The following ADAMTS2 variants were observed in gnomAD, a reference collection of about 807,000 sequenced individuals.
The protein encoded by ADAMTS2 is A disintegrin and metalloproteinase with thrombospondin motifs 2.
ADAMTS2 carries 50 observed loss-of-function variants against 123.0 expected under a neutral mutation model. The ratio of observed to expected loss-of-function variants is 0.41; its 90% CI spans 0.32 to 0.51. The LOEUF (loss-of-function observed/expected upper bound fraction) is 0.51. Among genes scored for constraint, ADAMTS2 ranks in the 20% least tolerant of loss-of-function variants. The pLI, the probability that ADAMTS2 is intolerant of heterozygous loss-of-function variation, is 0.35. For missense variants in ADAMTS2, 1,494 were observed against 1,705.2 expected (o/e 0.88, Z 2.18); for synonymous variants, 678 against 695.4 (o/e 0.98, Z 0.39).
intron 10 of ADAMTS2, among the ~76,000 whole-genome samples, chr5:179,149,471 G>A (rs1181998460): frequency 1.3e-5 from 2 of 152,166 alleles, no homozygotes; most frequent in East Asian, 1.9e-4. Flanking sequence ...CTGGCACCGT[G>A]GAAGGCTGCG....
chr5:179,217,185 C>T (rs530440512), intron 3 of ADAMTS2, among the ~76,000 whole-genome samples: 1 of 152,336 alleles, frequency 6.6e-6, no homozygotes, highest in Admixed American at 6.5e-5. Context: ...CCACAAAGTG[C>T]TACCAAGGTT....
At chr5:179,213,868 G>A (rs574273977) in intron 3 of ADAMTS2, among the ~76,000 whole-genome samples, 304 of 152,352 alleles carry the variant, frequency 2.0e-3, no homozygotes, top group Non-Finnish European at 3.4e-3. Flanking sequence ...CCTGGTGCAA[G>A]GAAGGAGAGA....
At chr5:179,296,308 G>A (rs1756329196) in intron 2 of ADAMTS2, among the ~76,000 whole-genome samples, 1 of 152,102 alleles carries the variant, frequency 6.6e-6, no homozygotes, top group East Asian at 1.9e-4. Flanking sequence ...GACGGGCAGG[G>A]GCAATGCCGG....
chr5:179,344,616 C>T (rs553920639), intron 1 of ADAMTS2, among the ~76,000 whole-genome samples: 2 of 152,238 alleles, frequency 1.3e-5, no homozygotes, highest in East Asian at 1.9e-4. Context: ...GTGCCCTCAC[C>T]GCCAGCCTCC....
intron 3 of ADAMTS2, among the ~76,000 whole-genome samples, chr5:179,216,453 C>A (rs138925084): frequency 1.3e-5 from 2 of 151,778 alleles, no homozygotes; most frequent in African/African-American, 2.4e-5. Flanking sequence ...CAGGCCGTGG[C>A]GAGCTTAGAA....
At chr5:179,299,867 G>A (rs1173281283) in intron 2 of ADAMTS2, among the ~76,000 whole-genome samples, 1 of 151,910 alleles carries the variant, frequency 6.6e-6, no homozygotes, top group Non-Finnish European at 1.5e-5. Flanking sequence ...GGCTGAGGCG[G>A]GCGGATCACA....
At chr5:179,212,766 T>G in intron 3 of ADAMTS2, among the ~76,000 whole-genome samples, 1 of 129,704 alleles carries the variant, frequency 7.7e-6, no homozygotes, top group Admixed American at 7.6e-5. Context: ...GCGGGTGCAG[T>G]GGGCAGGTGT....
chr5:179,223,659 C>G (rs562586297), intron 3 of ADAMTS2, among the ~76,000 whole-genome samples: 1 of 149,050 alleles, frequency 6.7e-6, no homozygotes, highest in Non-Finnish European at 1.5e-5. Flanking sequence ...CACTCACAGA[C>G]GCACACTCAC....
At chr5:179,201,089 G>T (rs2113359906) in intron 4 of ADAMTS2, among the ~76,000 whole-genome samples, 3 of 152,322 alleles carry the variant, frequency 2.0e-5, no homozygotes, top group Middle Eastern at 3.4e-3. Context: ...AATTACCACT[G>T]CTCAAAAGGA....
rs374440263 is a variant in ADAMTS2 at position 179,309,285 on chromosome 5, T to C, written c.534+34482A>G. Among the ~76,000 whole-genome samples, 33 of 152,244 alleles carry C rather than the reference T, an allele frequency of 2.2e-4. No homozygotes were observed. In the East Asian group the frequency reaches 4.7e-3, roughly 21 times the overall value. On this transcript the variant is annotated intron_variant, in intron 2 of 21. Coordinates refer to ENST00000251582, the MANE Select transcript of ADAMTS2 (RefSeq NM_014244.5). ...TTCAGTGGCCACAGGCCTGGGGCCATTGGTGGATAGAGCTGGAGAAAGGCC... is the reference window on the plus strand; with the variant it reads ...TTCAGTGGCCACAGGCCTGGGGCCACTGGTGGATAGAGCTGGAGAAAGGCC...
rs761751127 is a variant in ADAMTS2 at position 179,273,067 on chromosome 5, G to T, written c.535-3C>A. On this transcript the variant is annotated splice_polypyrimidine_tract_variant and splice_region_variant and intron_variant, in intron 2 of 21. Transcript: ENST00000251582. ...TCCTCCATCCGGATCAGACCAGCCT[G>T]CGGGACAAAGACAACAGGATCAGAT... 3 of 1,613,464 alleles carry T rather than the reference G, an allele frequency of 1.9e-6. No homozygotes were observed. In the African/African-American group the frequency reaches 4.0e-5, roughly 22 times the overall value.
chr5:179,233,269 C>T (rs1236789510), intron 3 of ADAMTS2, among the ~76,000 whole-genome samples: 2 of 152,250 alleles, frequency 1.3e-5, no homozygotes, highest in Non-Finnish European at 2.9e-5. Flanking sequence ...TGCCTAAATA[C>T]TGACTGAACA....
rs997595246 is a variant in ADAMTS2, at chr5:179,317,243, A to G, written c.534+26524T>C. On this transcript the variant is annotated intron_variant, in intron 2 of 21. Coordinates refer to ENST00000251582, the MANE Select transcript of ADAMTS2 (RefSeq NM_014244.5). The surrounding 1 kb of genome is among the most constrained non-coding windows in gnomAD (Gnocchi z 4.9). Reference sequence around the variant, plus strand: ...TCTTTCCTCCCAGTGGTTTCTTGGTAGTTCCTCATAAATCCATGCGTAGGT... The same window carrying G: ...TCTTTCCTCCCAGTGGTTTCTTGGTGGTTCCTCATAAATCCATGCGTAGGT... 6.6e-6 allele frequency among the ~76,000 whole-genome samples: 1 copy of G among 152,120 alleles called. No homozygotes were observed. Among genetic ancestry groups the G allele is most frequent in the African/African-American group, 2.4e-5 (1 of 41,418 alleles).
At chr5:179,238,499 G>T (rs1350097480) in intron 3 of ADAMTS2, among the ~76,000 whole-genome samples, 1 of 152,142 alleles carries the variant, frequency 6.6e-6, no homozygotes, top group Non-Finnish European at 1.5e-5. Flanking sequence ...AGGTGGTGCG[G>T]GGGGAGCTGT....
chr5:179,188,536 C>T lies in ADAMTS2; in HGVS notation c.892-7381G>A, dbSNP rs1764225711. Among the ~76,000 whole-genome samples, 2 of 152,178 alleles carry T rather than the reference C, an allele frequency of 1.3e-5. No homozygotes were observed. The highest frequency in any genetic ancestry group is 2.9e-5 in the Non-Finnish European group (2 of 68,030). On this transcript the variant is annotated intron_variant, in intron 4 of 21. Transcript: ENST00000251582. The surrounding 1 kb of genome is among the most constrained non-coding windows in gnomAD (Gnocchi z 5.1). ...TTGCAGATCTTCTTCACCCTCGGCT[C>T]CTCAGCAGATGCTTCAGAGGGAATG...
Position 179,273,081 on chromosome 5 carries a change from A to G in ADAMTS2, c.535-17T>C, listed in dbSNP as rs751290939. On this transcript the variant is annotated splice_polypyrimidine_tract_variant and intron_variant, in intron 2 of 21. Coordinates refer to ENST00000251582, the MANE Select transcript of ADAMTS2 (RefSeq NM_014244.5). ...CAGACCAGCCTGCGGGACAAAGACA[A>G]CAGGATCAGATTTCCAGCACACAAA... The G allele has an allele frequency of 3.1e-6, 5 of 1,613,470 alleles. No homozygotes were observed. The East Asian group carries it at 8.9e-5, about 29-fold the overall frequency.
intron 2 of ADAMTS2, among the ~76,000 whole-genome samples, chr5:179,329,094 A>C (rs138076033): frequency 5.9e-5 from 9 of 152,046 alleles, no homozygotes; most frequent in Middle Eastern, 3.2e-3. Flanking sequence ...TTGGGAGGCC[A>C]AGGAGGGCGG....
intron 2 of ADAMTS2, among the ~76,000 whole-genome samples, chr5:179,309,726 C>T (rs553652578): frequency 1.4e-5 from 2 of 140,710 alleles, no homozygotes; most frequent in African/African-American, 5.3e-5. Context: ...CATTGTACTC[C>T]AGCCTGGGCA....
At chr5:179,310,381 T>C (rs1756795835) in intron 2 of ADAMTS2, among the ~76,000 whole-genome samples, 1 of 152,228 alleles carries the variant, frequency 6.6e-6, no homozygotes, top group South Asian at 2.1e-4. Context: ...AGGAGGCATC[T>C]ACAAGCCTTT....
Sources: allele counts gnomAD v4.1 joint callset (sites outside exome capture counted in the v4.1 genomes callset), GRCh38; gene constraint gnomAD v4.1.1; non-coding constraint Gnocchi (gnomAD v3.1); transcripts MANE v1.5; gene names NCBI Gene and HGNC (gene_info 2026-07-23, HGNC 2026-07-21).